Variants in TMEM132D observed in about 807,000 individuals in gnomAD.
TMEM132D encodes transmembrane protein 132D.
TMEM132D carries 21 observed loss-of-function variants against 62.3 expected under a neutral mutation model. The observed-to-expected ratio is 0.34, with a 90% CI of 0.24 to 0.49. TMEM132D has a LOEUF of 0.49. TMEM132D is among the 20% of genes least tolerant of loss of function. The pLI is 0.99. For missense variants in TMEM132D, 1,346 were observed against 1,402.8 expected, an observed-to-expected ratio of 0.96 and a Z score of 0.65; for synonymous variants, 621 against 575.6, an observed-to-expected ratio of 1.08 and a Z score of -1.13.
intron 1 of TMEM132D, among the ~76,000 whole-genome samples, chr12:129,790,476 T>A (rs1024562269): frequency 6.6e-6 from 1 of 151,828 alleles, no homozygotes; most frequent in Non-Finnish European, 1.5e-5. Context: ...TTCCCCGGAG[T>A]AGGGCTGTCC....
At chr12:129,525,828 G>A (rs1876017581) in intron 3 of TMEM132D, among the ~76,000 whole-genome samples, 1 of 152,178 alleles carries the variant, frequency 6.6e-6, no homozygotes, top group Non-Finnish European at 1.5e-5. Flanking sequence ...TCATTCGGAT[G>A]GTAATACATA....
intron 5 of TMEM132D, among the ~76,000 whole-genome samples, chr12:129,141,068 T>C (rs1876727989): frequency 6.6e-6 from 1 of 152,192 alleles, no homozygotes; most frequent in African/African-American, 2.4e-5. Context: ...TAGATGATCC[T>C]GAAGATCTTA....
intron 4 of TMEM132D, among the ~76,000 whole-genome samples, chr12:129,225,115 C>T (rs1879447299): frequency 6.6e-6 from 1 of 152,162 alleles, no homozygotes; most frequent in Admixed American, 6.5e-5. Flanking sequence ...CCGTACTGTA[C>T]TGCACTGTGT....
chr12:129,098,373 A>G (rs1486168207), intron 5 of TMEM132D, among the ~76,000 whole-genome samples: 2 of 152,192 alleles, frequency 1.3e-5, no homozygotes, highest in Non-Finnish European at 2.9e-5. Flanking sequence ...GATAGTGATG[A>G]TGATGATGAG....
intron 2 of TMEM132D, among the ~76,000 whole-genome samples, chr12:129,549,402 A>G (rs1377616128): frequency 6.6e-6 from 1 of 151,688 alleles, no homozygotes; most frequent in Non-Finnish European, 1.5e-5. Context: ...GTGGGAGATA[A>G]GTGAATCATG....
chr12:129,105,420 C>A (rs1165343419), intron 5 of TMEM132D, among the ~76,000 whole-genome samples: 3 of 135,036 alleles, frequency 2.2e-5, no homozygotes, highest in Non-Finnish European at 4.6e-5. Context: ...GGAGGGATAG[C>A]ATTGGGAGAT....
chr12:129,106,533 T>C (rs937574304), intron 5 of TMEM132D, among the ~76,000 whole-genome samples: 4 of 152,192 alleles, frequency 2.6e-5, no homozygotes, highest in African/African-American at 9.6e-5. Context: ...TGTCTCTTGA[T>C]TATACTCTGA....
intron 3 of TMEM132D, among the ~76,000 whole-genome samples, chr12:129,351,232 C>T (rs1245348652): frequency 6.6e-6 from 1 of 152,108 alleles, no homozygotes; most frequent in African/African-American, 2.4e-5. Context: ...CAGGATGCAT[C>T]CTCACCAAAT....
intron 4 of TMEM132D, among the ~76,000 whole-genome samples, chr12:129,232,718 T>C (rs1026771618): frequency 6.6e-6 from 1 of 151,960 alleles, no homozygotes; most frequent in Non-Finnish European, 1.5e-5. Flanking sequence ...ACAAAAGAGG[T>C]TTTTATTAAC....
Position 129,840,682 on chromosome 12 carries a change from C to T in TMEM132D, c.79+62579G>A, listed in dbSNP as rs956791839. The stretch of plus-strand genomic sequence containing the variant: ...CAAGGAGGCTCCCAGTGCGGCCGCC[C>T]GCTTCCCAGGCCAACTCCAGACTGT... On this transcript the variant is annotated intron_variant, in intron 1 of 8. Coordinates refer to ENST00000422113, the MANE Select transcript of TMEM132D (RefSeq NM_133448.3). Among the ~76,000 whole-genome samples, 19 of 152,316 alleles carry T rather than the reference C, an allele frequency of 1.2e-4. 1 individual carries two copies. The highest frequency in any genetic ancestry group is 8.3e-4 in the South Asian group (4 of 4,818).
At chr12:129,835,238 C>T (rs1471428694) in intron 1 of TMEM132D, among the ~76,000 whole-genome samples, 1 of 152,132 alleles carries the variant, frequency 6.6e-6, no homozygotes, top group Non-Finnish European at 1.5e-5. Context: ...TGTCCTCAAA[C>T]TGTTAGGTTA....
intron 1 of TMEM132D, among the ~76,000 whole-genome samples, chr12:129,817,669 G>GTGT (rs1565996377): frequency 1.5e-5 from 2 of 135,746 alleles, no homozygotes; most frequent in East Asian, 2.4e-4. Flanking sequence ...GTGTGTGGGG[G>GTGT]GTATGTGTGG....
intron 2 of TMEM132D, among the ~76,000 whole-genome samples, chr12:129,558,026 T>C (rs987226318): frequency 6.6e-6 from 1 of 152,096 alleles, no homozygotes; most frequent in Admixed American, 6.5e-5. Flanking sequence ...CAGAAATGAG[T>C]GCTATCAGGA....
intron 5 of TMEM132D, among the ~76,000 whole-genome samples, chr12:129,129,769 G>C (rs548797370): frequency 8.2e-4 from 125 of 152,174 alleles, no homozygotes; most frequent in Non-Finnish European, 1.4e-3. Context: ...TCATGTTCTT[G>C]TTGGCCGCTC....
At chr12:129,559,442 T>C (rs1877153586) in intron 2 of TMEM132D, among the ~76,000 whole-genome samples, 1 of 152,208 alleles carries the variant, frequency 6.6e-6, no homozygotes, top group Admixed American at 6.5e-5. Flanking sequence ...AGAGGTCTCG[T>C]AGATGAACAA....
At position 129,596,529 on chromosome 12, in the gene TMEM132D, C is replaced by A. The variant is rs79301216; in HGVS notation, c.969-65324G>T. On this transcript the variant is annotated intron_variant, in intron 2 of 8. Transcript: ENST00000422113. ...CTGTGGACACCAAAATCTGAGGATG[C>A]TCATGTCCCTGATAGAAAATAGTGT... Among the ~76,000 whole-genome samples, 3 of 152,212 alleles carry A rather than the reference C, an allele frequency of 2.0e-5. No individual in the cohort carries two copies. The East Asian group carries it at 5.8e-4, about 29-fold the overall frequency.
chr12:129,355,969 C>T (rs2135670905), intron 3 of TMEM132D, among the ~76,000 whole-genome samples: 2 of 152,184 alleles, frequency 1.3e-5, no homozygotes, highest in East Asian at 3.9e-4. Context: ...CCACCCCCGA[C>T]GGGATCAGGG....
At chr12:129,271,311 C>T (rs2135600966) in intron 4 of TMEM132D, among the ~76,000 whole-genome samples, 1 of 151,726 alleles carries the variant, frequency 6.6e-6, no homozygotes, top group East Asian at 1.9e-4. Context: ...CAGAACAGAA[C>T]CCTTTCCTGT....
intron 1 of TMEM132D, among the ~76,000 whole-genome samples, chr12:129,870,642 G>A (rs1006951179): frequency 1.6e-4 from 25 of 152,164 alleles, no homozygotes. Context: ...TCAGAAAACT[G>A]TAATCAGAAG....
Sources: allele counts gnomAD v4.1 joint callset (sites outside exome capture counted in the v4.1 genomes callset), GRCh38; gene constraint gnomAD v4.1.1; transcripts MANE v1.5; gene names NCBI Gene and HGNC (gene_info 2026-07-23, HGNC 2026-07-21).